The following BMPR2 variants were observed in gnomAD, a reference collection of about 807,000 sequenced individuals.
BMPR2 encodes the protein bone morphogenetic protein receptor type-2.
A neutral mutation model predicts 100.8 loss-of-function variants in BMPR2; 29 were observed. The ratio of observed to expected loss-of-function variants is 0.29; its 90% confidence interval spans 0.21 to 0.39. The LOEUF is 0.39. Among genes scored for constraint, BMPR2 ranks in the 10% least tolerant of loss-of-function variants. BMPR2 has a pLI of 1.00. For missense variants in BMPR2, 1,011 were observed against 1,274.5 expected, an observed-to-expected ratio of 0.79 and a Z score of 3.15; for synonymous variants, 382 against 442.3, an observed-to-expected ratio of 0.86 and a Z score of 1.71.
chr2:202,398,856 C>T (rs1040502900), intron 1 of BMPR2, among the ~76,000 whole-genome samples: 2 of 152,036 alleles, frequency 1.3e-5, no homozygotes, highest in East Asian at 1.9e-4. Context: ...TAGCCGGGTG[C>T]GGTGGCTCAC....
At chr2:202,398,792 C>A (rs1037103923) in intron 1 of BMPR2, among the ~76,000 whole-genome samples, 1 of 152,172 alleles carries the variant, frequency 6.6e-6, no homozygotes, top group Non-Finnish European at 1.5e-5. Context: ...CTATACAAAG[C>A]ATCTGGATCC....
chr2:202,408,413 T>C (rs905730603), intron 1 of BMPR2, among the ~76,000 whole-genome samples: 8 of 152,194 alleles, frequency 5.3e-5, no homozygotes, highest in Non-Finnish European at 7.4e-5. Flanking sequence ...AAAAGGTTAG[T>C]TTTGACAAAT....
At chr2:202,535,731 G>A in intron 9 of BMPR2, among the ~76,000 whole-genome samples, 1 of 152,174 alleles carries the variant, frequency 6.6e-6, no homozygotes, top group East Asian at 1.9e-4. Flanking sequence ...GGCCAAGGCA[G>A]GCGGCTGGGA....
chr2:202,427,716 G>A lies in BMPR2; in HGVS notation c.77-37093G>A, dbSNP rs1010220057. ...TTTATGGTTGGACATTGTGGCTCAC[G>A]CCTGTAATCTCAGCACTTTGGGAGG... On this transcript the variant is annotated intron_variant, in intron 1 of 12. Transcript: ENST00000374580. Among the ~76,000 whole-genome samples, 2 of 152,142 alleles carry A rather than the reference G, an allele frequency of 1.3e-5. 1 individual carries two copies. The highest frequency in any genetic ancestry group is 6.8e-3 in the Middle Eastern group (2 of 294).
intron 1 of BMPR2, among the ~76,000 whole-genome samples, chr2:202,438,882 G>A (rs1256858488): frequency 1.3e-5 from 2 of 150,450 alleles, no homozygotes; most frequent in East Asian, 1.9e-4. Flanking sequence ...TTTGTATTAC[G>A]TTTTGAAATC....
chr2:202,393,900 A>T (rs935426740), intron 1 of BMPR2, among the ~76,000 whole-genome samples: 1 of 108,438 alleles, frequency 9.2e-6, no homozygotes, highest in Non-Finnish European at 1.9e-5. Context: ...AGAGAGAGAG[A>T]GAGAGAGAGA....
chr2:202,505,999 G>T (rs566642743), intron 3 of BMPR2, among the ~76,000 whole-genome samples: 1 of 152,220 alleles, frequency 6.6e-6, no homozygotes, highest in African/African-American at 2.4e-5. Context: ...TGTGGACTGG[G>T]TACTTAGTTC....
intron 1 of BMPR2, among the ~76,000 whole-genome samples, chr2:202,428,407 T>TC (rs1491187403): frequency 8.4e-5 from 8 of 95,382 alleles, no homozygotes; most frequent in African/African-American, 2.3e-4. Flanking sequence ...TCTCTCTCTC[T>TC]TTTTTTTTTA....
chr2:202,418,986 A>G (rs1390322908), intron 1 of BMPR2, among the ~76,000 whole-genome samples: 1 of 152,136 alleles, frequency 6.6e-6, no homozygotes, highest in Non-Finnish European at 1.5e-5. Flanking sequence ...CTTATCTGTC[A>G]TGTGATGTTA....
At chr2:202,476,908 T>A (rs1692562886) in intron 3 of BMPR2, among the ~76,000 whole-genome samples, 1 of 151,864 alleles carries the variant, frequency 6.6e-6, no homozygotes, top group African/African-American at 2.4e-5. Context: ...ACAACACATT[T>A]TGTATTAGCT....
intron 1 of BMPR2, among the ~76,000 whole-genome samples, chr2:202,446,583 A>G (rs1691853480): frequency 6.7e-6 from 1 of 149,908 alleles, no homozygotes; most frequent in South Asian, 2.1e-4. Flanking sequence ...GTATATGAAT[A>G]CTCATGATCC....
At chr2:202,528,050 G>T (rs1687950786) in intron 7 of BMPR2, among the ~76,000 whole-genome samples, 1 of 152,036 alleles carries the variant, frequency 6.6e-6, no homozygotes, top group Non-Finnish European at 1.5e-5. Flanking sequence ...AGCTGGCTGT[G>T]GTGGCATGCA....
chr2:202,504,637 GAT>G (rs1045134670), intron 3 of BMPR2, among the ~76,000 whole-genome samples: 1 of 149,152 alleles, frequency 6.7e-6, no homozygotes, highest in Non-Finnish European at 1.5e-5. Flanking sequence ...AAAGGAAGAA[GAT>G]AATATTTTTT....
chr2:202,513,763 T>C lies in BMPR2; in HGVS notation c.463T>C (p.Leu155=), dbSNP rs1455041409. 1.2e-6 allele frequency: 2 copies of C among 1,613,574 alleles called. No individual in the cohort carries two copies. Among genetic ancestry groups the C allele is most frequent in the Admixed American group, 3.3e-5 (2 of 60,018 alleles). ...CCGAGATGAGACAATAATCATTGCTTTGGCATCAGTCTCTGTATTAGCTGT... is the reference window on the plus strand; with the variant it reads ...CCGAGATGAGACAATAATCATTGCTCTGGCATCAGTCTCTGTATTAGCTGT... The part of the protein sequence containing the change: ...FNRDETIIIA[L]ASVSVLAVLI... Residue 155 remains leucine, a synonymous_variant, in exon 4 of 13, where the codon TTG becomes CTG. Coordinates refer to ENST00000374580, the MANE Select transcript of BMPR2 (RefSeq NM_001204.7).
intron 4 of BMPR2, among the ~76,000 whole-genome samples, chr2:202,514,078 T>C (rs1304086369): frequency 6.6e-6 from 1 of 151,988 alleles, no homozygotes; most frequent in African/African-American, 2.4e-5. Flanking sequence ...TAATTAGATA[T>C]TATATATCTA....
intron 1 of BMPR2, among the ~76,000 whole-genome samples, chr2:202,411,710 G>C: frequency 6.6e-6 from 1 of 152,118 alleles, no homozygotes; most frequent in Non-Finnish European, 1.5e-5. Context: ...GCAGTGCACT[G>C]AGAAGGACAT....
intron 1 of BMPR2, among the ~76,000 whole-genome samples, chr2:202,411,615 G>T (rs895998051): frequency 6.6e-6 from 1 of 152,084 alleles, no homozygotes; most frequent in African/African-American, 2.4e-5. Flanking sequence ...CAGGTTTTGT[G>T]TGCTCTGTTG....
intron 1 of BMPR2, among the ~76,000 whole-genome samples, chr2:202,383,936 C>T (rs1425953514): frequency 6.6e-6 from 1 of 152,070 alleles, no homozygotes; most frequent in African/African-American, 2.4e-5. Flanking sequence ...CTTTGGGAGG[C>T]CGAGGCTGGT....
chr2:202,485,543 A>ATTTTTTTTTTTTTTTTTTTTTTTTTT (rs1574472655), intron 3 of BMPR2, among the ~76,000 whole-genome samples: 2 of 14,052 alleles, frequency 1.4e-4, no homozygotes, highest in Admixed American at 1.1e-3. Flanking sequence ...CTTTGCCTTT[A>ATTTTTTTTTTTTTTTTTTTTTTTTTT]TCTTTTTTTT....
Sources: allele counts gnomAD v4.1 joint callset (sites outside exome capture counted in the v4.1 genomes callset), GRCh38; gene constraint gnomAD v4.1.1; transcripts MANE v1.5; gene names NCBI Gene and HGNC (gene_info 2026-07-23, HGNC 2026-07-21).